TMEM116: variants seen among roughly 807,000 people sequenced by gnomAD.
TMEM116 encodes the protein transmembrane protein 116.
TMEM116 carries 38 observed loss-of-function variants against 44.3 expected under a neutral mutation model. The observed-to-expected ratio is 0.86, with a 90% CI of 0.66 to 1.12. The LOEUF is 1.12. TMEM116 is among the 50% of genes most tolerant of loss of function. The pLI is 0.00. For synonymous variants in TMEM116, 132 were observed against 144.8 expected (o/e 0.91, Z 0.64); for missense variants, 354 against 401.7 (o/e 0.88, Z 1.01).
chr12:111,983,779 A>T (rs1276799562), intron 4 of TMEM116, among the ~76,000 whole-genome samples: 3 of 152,162 alleles, frequency 2.0e-5, no homozygotes, highest in African/African-American at 7.2e-5. Context: ...AAACCTGTCA[A>T]GTTATTCCAA....
At chr12:111,976,260 C>A (rs2075666192) in intron 4 of TMEM116, among the ~76,000 whole-genome samples, 1 of 151,984 alleles carries the variant, frequency 6.6e-6, no homozygotes, top group Non-Finnish European at 1.5e-5. Flanking sequence ...CCCGAGAAAC[C>A]CACAGACAAT....
At chr12:112,008,554 ATCAAT>A (rs1013440107) in intron 1 of TMEM116, among the ~76,000 whole-genome samples, 25 of 152,190 alleles carry the variant, frequency 1.6e-4, no homozygotes, top group African/African-American at 6.0e-4. Flanking sequence ...TATATTATAT[ATCAAT>A]TCAAGTTAAC....
intron 5 of TMEM116, among the ~76,000 whole-genome samples, chr12:111,941,554 A>G (rs1565876428): frequency 6.6e-6 from 1 of 152,214 alleles, no homozygotes; most frequent in South Asian, 2.1e-4. Context: ...TAGCCACATT[A>G]TAAGTTTTCG....
chr12:111,975,366 G>C, intron 4 of TMEM116, among the ~76,000 whole-genome samples: 1 of 152,100 alleles, frequency 6.6e-6, no homozygotes, highest in East Asian at 1.9e-4. Context: ...AGGTTATTCA[G>C]TCTGATCTTG....
intron 10 of TMEM116, 75 bp from the exon 11 acceptor site, chr12:111,931,902 T>C: frequency 1.0e-6 from 1 of 1,000,990 alleles, no homozygotes; most frequent in Non-Finnish European, 1.5e-6. Context: ...TCACTCCCCT[T>C]ATTCATAAAG....
At chr12:112,010,251 C>T (rs1400955379) in intron 1 of TMEM116, among the ~76,000 whole-genome samples, 2 of 152,162 alleles carry the variant, frequency 1.3e-5, no homozygotes, top group Non-Finnish European at 1.5e-5. Flanking sequence ...GTTTCACCAC[C>T]TCAGTTCATA....
At chr12:112,007,591 C>T (rs1273987322) in intron 1 of TMEM116, among the ~76,000 whole-genome samples, 1 of 152,128 alleles carries the variant, frequency 6.6e-6, no homozygotes, top group African/African-American at 2.4e-5. Flanking sequence ...CAGAAATCCC[C>T]AGCATAACGT....
At chr12:111,976,631 A>G (rs756213335) in intron 4 of TMEM116, among the ~76,000 whole-genome samples, 1 of 152,222 alleles carries the variant, frequency 6.6e-6, no homozygotes, top group South Asian at 2.1e-4. Context: ...CAAGACAAGC[A>G]TTAGACCAGT....
chr12:111,985,090 C>G (rs2076149514), intron 4 of TMEM116, among the ~76,000 whole-genome samples: 1 of 152,082 alleles, frequency 6.6e-6, no homozygotes, highest in African/African-American at 2.4e-5. Flanking sequence ...AAAGACAAAG[C>G]TTTTCTTCTA....
chr12:111,975,047 A>G (rs1044657597), intron 4 of TMEM116, among the ~76,000 whole-genome samples: 1 of 152,252 alleles, frequency 6.6e-6, no homozygotes, highest in Non-Finnish European at 1.5e-5. Context: ...GGGTCAGAAG[A>G]CTAAATATTG....
At chr12:111,991,641 T>C in intron 4 of TMEM116, 117 bp downstream of exon 4, 2 of 1,043,560 alleles carry the variant, frequency 1.9e-6, no homozygotes, top group Admixed American at 3.1e-5. Context: ...AGCTATTGTT[T>C]CAAAATGTAA....
At chr12:111,964,045 T>C (rs1468950957) in intron 4 of TMEM116, among the ~76,000 whole-genome samples, 1 of 151,932 alleles carries the variant, frequency 6.6e-6, no homozygotes, top group East Asian at 1.9e-4. Context: ...AACTCCCGTT[T>C]TTTTTTTCTT....
chr12:111,947,170 G>T (rs1384080606), intron 4 of TMEM116, among the ~76,000 whole-genome samples: 3 of 147,322 alleles, frequency 2.0e-5, no homozygotes, highest in Non-Finnish European at 3.0e-5. Context: ...TGCTTTTAAA[G>T]ACTTTTTTTT....
At chr12:111,934,309 C>A (rs1593258687) in intron 8 of TMEM116, 1 of 320,522 alleles carries the variant, frequency 3.1e-6, no homozygotes, top group Non-Finnish European at 5.8e-6. Context: ...TTTCCCCCCA[C>A]TGAGGCTAAT....
chr12:111,937,061 C>T, intron 7 of TMEM116, 99 bp downstream of exon 7: 1 of 1,207,794 alleles, frequency 8.3e-7, no homozygotes, highest in Non-Finnish European at 1.2e-6. Context: ...AATATTAGCA[C>T]TTTGGTCAGA....
At chr12:111,996,843 T>C (rs1470831572) in intron 3 of TMEM116, among the ~76,000 whole-genome samples, 3 of 152,134 alleles carry the variant, frequency 2.0e-5, no homozygotes, top group Non-Finnish European at 2.9e-5. Flanking sequence ...CAGACATCAA[T>C]GAAAATGAAA....
In TMEM116 at chr12:111,990,348, CAGAA is replaced by C. The variant is rs1263877030; in HGVS notation, c.210+1406_210+1409del. ...TTTTACAGATTAGGAGATTGAAGTT[CAGAA>C]AGATTAGGTACTGGCGAAACATTAC... On this transcript the variant is annotated intron_variant, in intron 4 of 10. Coordinates refer to ENST00000552374, the MANE Select transcript of TMEM116 (RefSeq NM_001193531.2). Among the ~76,000 whole-genome samples the C allele has an allele frequency of 3.3e-5, 5 of 151,890 alleles. No individual in the cohort carries two copies. In the South Asian group the frequency reaches 1.0e-3, roughly 32 times the overall value.
intron 9 of TMEM116, among the ~76,000 whole-genome samples, chr12:111,933,146 C>A (rs907523078): frequency 2.0e-5 from 3 of 150,882 alleles, no homozygotes; most frequent in African/African-American, 7.3e-5. Flanking sequence ...GAGGCTGAGG[C>A]AGGAGAATTG....
intron 4 of TMEM116, among the ~76,000 whole-genome samples, chr12:111,973,297 T>C (rs2075473332): frequency 6.6e-6 from 1 of 152,220 alleles, no homozygotes; most frequent in South Asian, 2.1e-4. Flanking sequence ...AAACAATTCA[T>C]GGATTAAAGA....
Sources: allele counts gnomAD v4.1 joint callset (sites outside exome capture counted in the v4.1 genomes callset), GRCh38; gene constraint gnomAD v4.1.1; transcripts MANE v1.5; gene names NCBI Gene and HGNC (gene_info 2026-07-23, HGNC 2026-07-21).